MEST: variants seen among roughly 807,000 people sequenced by gnomAD.
MEST encodes the protein mesoderm specific transcript, also known as mesoderm-specific transcript homolog protein.
In MEST, 18 loss-of-function variants were observed where a neutral mutation model predicts 50.9. That is an observed-to-expected ratio of 0.35 (90% confidence interval 0.24 to 0.52). The LOEUF is 0.52. Among genes scored for constraint, MEST ranks in the 20% least tolerant of loss-of-function variants. The pLI, the probability that MEST is intolerant of heterozygous loss-of-function variation, is 0.94. For synonymous variants in MEST, 130 were observed against 154.1 expected, an observed-to-expected ratio of 0.84 and a Z score of 1.16; for missense variants, 282 against 425.3, an observed-to-expected ratio of 0.66 and a Z score of 2.96.
Position 130,497,365 on chromosome 7 carries a change from A to G in MEST, c.261+130A>G. On this transcript the variant is annotated intron_variant, in intron 3 of 11. Coordinates refer to ENST00000223215, the MANE Select transcript of MEST (RefSeq NM_002402.4). This position sits in a 1 kb window ranked among gnomAD's most constrained non-coding sequence, Gnocchi z 4.0. ...TGAGGTCAGGAGTTTGAGACCAGCC[A>G]GGCCAACATGGCAAAACCCCATCTC... 1 of 624,926 alleles carries G rather than the reference A, an allele frequency of 1.6e-6. No individual in the cohort carries two copies. Among genetic ancestry groups the G allele is most frequent in the Non-Finnish European group, 2.7e-6 (1 of 375,050 alleles). The allele number at this position is 624,926 out of a possible 1,614,324, so 38.7% of individuals were successfully genotyped here.
At chr7:130,499,819 T>TAAA in intron 6 of MEST, 56 bp from the exon 7 acceptor site, 78 of 1,201,730 alleles carry the variant, frequency 6.5e-5, no homozygotes, top group Middle Eastern at 2.3e-4. Flanking sequence ...CCCGTCTCTA[T>TAAA]AAAAAAAAAA....
chr7:130,492,540 C>A lies in MEST; in HGVS notation c.26+201C>A. 1 of 399,170 alleles carries A rather than the reference C, an allele frequency of 2.5e-6. No homozygotes were observed. The highest frequency in any genetic ancestry group is 4.3e-6 in the Non-Finnish European group (1 of 230,092). 24.7% of individuals were successfully genotyped at this position (399,170 alleles called of 1,614,324 possible). A position where few individuals can be genotyped will look rare whatever the true frequency, so the allele number is the denominator to read the frequency against. The stretch of plus-strand genomic sequence containing the variant: ...TGCCCGCAATGGAATGTTCAGAACG[C>A]GGGACCTCCTTGGGTTAGGATTTCT... On this transcript the variant is annotated intron_variant, in intron 1 of 11. Coordinates refer to ENST00000223215, the MANE Select transcript of MEST (RefSeq NM_002402.4). The surrounding 1 kb of genome is among the most constrained non-coding windows in gnomAD (Gnocchi z 7.6).
chr7:130,496,564 T>C (rs1328684569), intron 2 of MEST: 4 of 197,126 alleles, frequency 2.0e-5, no homozygotes, highest in Non-Finnish European at 4.1e-5. Flanking sequence ...TGCTTCCATA[T>C]TGTCATATGC....
chr7:130,504,768 T>C (rs1422778856), intron 11 of MEST, among the ~76,000 whole-genome samples, 171 bp from the exon 12 acceptor site: 1 of 152,260 alleles, frequency 6.6e-6, no homozygotes, highest in Non-Finnish European at 1.5e-5. Context: ...ATAAATGGAA[T>C]TGGCAAGTTT....
At position 130,492,580 on chromosome 7, in the gene MEST, T is replaced by A; in HGVS notation, c.26+241T>A. Reference sequence around the variant, plus strand: ...TTAGGATTTCTAGACCCCGGGATCGTCGTGGTGAGATTTAGGATTTCTGGA... The same window carrying A: ...TTAGGATTTCTAGACCCCGGGATCGACGTGGTGAGATTTAGGATTTCTGGA... On this transcript the variant is annotated intron_variant, in intron 1 of 11. Transcript: ENST00000223215. The surrounding 1 kb of genome is among the most constrained non-coding windows in gnomAD (Gnocchi z 7.6). 2.7e-6 allele frequency: 1 copy of A among 377,286 alleles called. No homozygotes were observed. The highest frequency in any genetic ancestry group is 4.7e-6 in the Non-Finnish European group (1 of 212,882). 23.4% of individuals were successfully genotyped at this position (377,286 alleles called of 1,614,324 possible).
chr7:130,505,474 T>C lies in MEST; in HGVS notation c.*418T>C, dbSNP rs1421756535. On this transcript the variant is annotated 3_prime_UTR_variant, in exon 12 of 12. Coordinates refer to ENST00000223215, the MANE Select transcript of MEST (RefSeq NM_002402.4). The stretch of plus-strand genomic sequence containing the variant: ...TAGTAAGGAGGAGGAGAAGGGGGGC[T>C]CCTTCCCTCTCCTCGAATGACGTTA... 6.4e-6 allele frequency: 1 copy of C among 156,566 alleles called. No individual in the cohort carries two copies. Among genetic ancestry groups the C allele is most frequent in the Non-Finnish European group, 1.4e-5 (1 of 70,508 alleles). 9.7% of individuals were successfully genotyped at this position (156,566 alleles called of 1,614,324 possible).
At position 130,500,928 on chromosome 7, in the gene MEST, G is replaced by C. The variant is rs1554438384; in HGVS notation, c.749+38G>C. 1 of 1,553,836 alleles carries C rather than the reference G, an allele frequency of 6.4e-7. No homozygotes were observed. Among genetic ancestry groups the C allele is most frequent in the African/African-American group, 1.4e-5 (1 of 73,768 alleles). ...CCTTTGCTTTGGTTTCCAGAGACGT[G>C]TTTTTGTGGAGAGTGGGGATTGCTT... On this transcript the variant is annotated intron_variant, in intron 9 of 11. Coordinates refer to ENST00000223215, the MANE Select transcript of MEST (RefSeq NM_002402.4). This position sits in a 1 kb window ranked among gnomAD's most constrained non-coding sequence, Gnocchi z 5.0.
At chr7:130,498,739 T>A (rs939813212) in intron 6 of MEST, 1 of 558,222 alleles carries the variant, frequency 1.8e-6, no homozygotes, top group Non-Finnish European at 3.2e-6. Flanking sequence ...AGCTGCATTA[T>A]AGTCACATGT....
rs1355761175 is a variant in MEST at position 130,500,920 on chromosome 7, A to G, written c.749+30A>G. The G allele has an allele frequency of 1.3e-6, 2 of 1,593,120 alleles. No homozygotes were observed. The highest frequency in any genetic ancestry group is 1.3e-5 in the African/African-American group (1 of 74,402). On this transcript the variant is annotated intron_variant, in intron 9 of 11. Transcript: ENST00000223215. This position sits in a 1 kb window ranked among gnomAD's most constrained non-coding sequence, Gnocchi z 5.0. ...GAAGTTACCCTTTGCTTTGGTTTCCAGAGACGTGTTTTTGTGGAGAGTGGG... is the reference window on the plus strand; with the variant it reads ...GAAGTTACCCTTTGCTTTGGTTTCCGGAGACGTGTTTTTGTGGAGAGTGGG...
rs1798847615 is a variant in MEST, at chr7:130,492,211, C to T, written c.-103C>T. On this transcript the variant is annotated 5_prime_UTR_variant, in exon 1 of 12. Transcript: ENST00000223215. The surrounding 1 kb of genome is among the most constrained non-coding windows in gnomAD (Gnocchi z 7.6). ...GGCGCCGCCCTGCGCGGGCTGTGGG[C>T]TGCGGGCTGCGCCCCCGCTGCTGGC... The T allele has an allele frequency of 4.9e-6, 5 of 1,030,620 alleles. No homozygotes were observed. The highest frequency in any genetic ancestry group is 9.1e-5 in the South Asian group (2 of 21,952). The allele number at this position is 1,030,620 out of a possible 1,614,324, so 63.8% of individuals were successfully genotyped here. A position where few individuals can be genotyped will look rare whatever the true frequency, so the allele number is the denominator to read the frequency against.
At chr7:130,496,180 G>T in intron 2 of MEST, 1 of 464,378 alleles carries the variant, frequency 2.2e-6, no homozygotes. Context: ...TATTGCTCCT[G>T]ACCTCCTCTC....
chr7:130,499,987 G>A (rs1389079624), intron 7 of MEST, 72 bp downstream of exon 7: 87 of 1,247,752 alleles, frequency 7.0e-5, no homozygotes, highest in Non-Finnish European at 9.8e-5. Flanking sequence ...ACCTTTTAAG[G>A]GCCATAGCTC....
At position 130,497,338 on chromosome 7, in the gene MEST, C is replaced by A; in HGVS notation, c.261+103C>A. 1 of 876,734 alleles carries A rather than the reference C, an allele frequency of 1.1e-6. No individual in the cohort carries two copies. The highest frequency in any genetic ancestry group is 1.7e-5 in the South Asian group (1 of 58,840). 54.3% of individuals were successfully genotyped at this position (876,734 alleles called of 1,614,324 possible). Reference sequence around the variant, plus strand: ...TTGGGAGGCTGAGGTGGGAGGATGACCTGAGGTCAGGAGTTTGAGACCAGC... The same window carrying A: ...TTGGGAGGCTGAGGTGGGAGGATGAACTGAGGTCAGGAGTTTGAGACCAGC... On this transcript the variant is annotated intron_variant, in intron 3 of 11. Transcript: ENST00000223215. This position sits in a 1 kb window ranked among gnomAD's most constrained non-coding sequence, Gnocchi z 4.0.
chr7:130,497,564 A>C lies in MEST; in HGVS notation c.261+329A>C, dbSNP rs1467206958. The stretch of plus-strand genomic sequence containing the variant: ...AGAGCGAGAGTCTGTCTCAAAAAAA[A>C]ATTTTTTTTTAATAAAAATTTAAAA... On this transcript the variant is annotated intron_variant, in intron 3 of 11. Transcript: ENST00000223215. The surrounding 1 kb of genome is among the most constrained non-coding windows in gnomAD (Gnocchi z 4.0). 4.1e-6 allele frequency: 1 copy of C among 245,402 alleles called. No homozygotes were observed. Among genetic ancestry groups the C allele is most frequent in the Non-Finnish European group, 7.8e-6 (1 of 128,232 alleles). The allele number at this position is 245,402 out of a possible 1,614,324, so 15.2% of individuals were successfully genotyped here.
upstream of MEST, chr7:130,488,958 C>G (rs1798704652): frequency 6.6e-6 from 1 of 152,180 alleles, no homozygotes; most frequent in African/African-American, 2.4e-5. Context: ...TTAACATGTG[C>G]TCCTGTTCAA....
At chr7:130,493,319 TGAA>T (rs1798905788) in intron 1 of MEST, 1 of 152,174 alleles carries the variant, frequency 6.6e-6, no homozygotes, top group Non-Finnish European at 1.5e-5. Context: ...GTTTACAAGA[TGAA>T]GAAATCAAGG....
chr7:130,498,090 A>C, intron 4 of MEST, 49 bp from the exon 5 acceptor site: 1 of 1,613,970 alleles, frequency 6.2e-7, no homozygotes, highest in Non-Finnish European at 8.5e-7. Flanking sequence ...TGGCAGAGAG[A>C]GCTGTCCTCA....
At chr7:130,498,044 G>C in intron 4 of MEST, 31 bp downstream of exon 4, 1 of 1,614,048 alleles carries the variant, frequency 6.2e-7, no homozygotes. Context: ...GCTGGTGATG[G>C]GGTGTGGGGG....
At chr7:130,498,118 T>C (rs1799137007) in intron 4 of MEST, 21 bp from the exon 5 acceptor site, 1 of 1,614,184 alleles carries the variant, frequency 6.2e-7, no homozygotes, top group African/African-American at 1.3e-5. Flanking sequence ...ATCCTGTGTA[T>C]GTGGGCTTTC....
Sources: gnomAD v4.1 joint callset for allele counts (sites outside exome capture counted in the v4.1 genomes callset) on GRCh38, gnomAD v4.1.1 for gene constraint, Gnocchi (gnomAD v3.1) non-coding constraint, MANE v1.5 for transcripts, NCBI Gene and HGNC (gene_info 2026-07-23, HGNC 2026-07-21) for gene names.